The following REC114 variants were observed in gnomAD, a reference collection of about 807,000 sequenced individuals.
The protein encoded by REC114 is meiotic recombination protein REC114.
In REC114, 27 loss-of-function variants were observed where a neutral mutation model predicts 31.3. The ratio of observed to expected loss-of-function variants is 0.86; its 90% CI spans 0.64 to 1.19. The LOEUF (loss-of-function observed/expected upper bound fraction) is 1.19. Ranked by LOEUF, REC114 falls within the 50% of genes most tolerant of loss-of-function variation. REC114 has a pLI of 0.00. For missense variants in REC114, 344 were observed against 326.9 expected (o/e 1.05, Z -0.40); for synonymous variants, 134 against 127.7 (o/e 1.05, Z -0.33).
chr15:73,541,553 G>A (rs1435869829), intron 3 of REC114, among the ~76,000 whole-genome samples: 1 of 152,130 alleles, frequency 6.6e-6, no homozygotes, highest in Non-Finnish European at 1.5e-5. Flanking sequence ...CATTTTGTGT[G>A]ATTAAAAACA....
intron 1 of REC114, among the ~76,000 whole-genome samples, chr15:73,458,052 G>C (rs1892940610): frequency 6.6e-6 from 1 of 152,276 alleles, no homozygotes. Flanking sequence ...CCTGTGCTAG[G>C]CCTACTGAAT....
chr15:73,473,281 C>T (rs867682624), intron 1 of REC114, among the ~76,000 whole-genome samples: 5 of 151,944 alleles, frequency 3.3e-5, no homozygotes, highest in East Asian at 1.9e-4. Context: ...CCCAGCTACT[C>T]GCGAGGCTGA....
chr15:73,496,635 A>G (rs528539510), intron 2 of REC114, among the ~76,000 whole-genome samples: 1 of 150,084 alleles, frequency 6.7e-6, no homozygotes, highest in Non-Finnish European at 1.5e-5. Flanking sequence ...GCTGGATGAC[A>G]CGGTGAGACT....
chr15:73,489,660 T>C (rs974080859), intron 2 of REC114, among the ~76,000 whole-genome samples: 1 of 151,950 alleles, frequency 6.6e-6, no homozygotes, highest in African/African-American at 2.4e-5. Flanking sequence ...TATTATTAAC[T>C]TATGTAAGTT....
At chr15:73,480,844 A>G (rs756939976) in intron 2 of REC114, among the ~76,000 whole-genome samples, 1 of 152,110 alleles carries the variant, frequency 6.6e-6, no homozygotes, top group Non-Finnish European at 1.5e-5. Context: ...CACCCAGCTA[A>G]CTTTTGTATT....
chr15:73,470,979 A>G (rs1373817585), intron 1 of REC114, among the ~76,000 whole-genome samples: 2 of 152,208 alleles, frequency 1.3e-5, no homozygotes, highest in African/African-American at 4.8e-5. Context: ...GGTGGGTGCT[A>G]CAGGACAAGA....
At chr15:73,482,774 T>C (rs887341213) in intron 2 of REC114, among the ~76,000 whole-genome samples, 1 of 152,218 alleles carries the variant, frequency 6.6e-6, no homozygotes, top group Non-Finnish European at 1.5e-5. Context: ...CTTTTGCCTA[T>C]TGTGAATAAT....
chr15:73,505,984 C>G (rs1050844050), intron 2 of REC114, among the ~76,000 whole-genome samples: 2 of 152,148 alleles, frequency 1.3e-5, no homozygotes, highest in Non-Finnish European at 2.9e-5. Context: ...CACGCCTGCA[C>G]GTGTGGTCTG....
At chr15:73,465,823 C>T (rs535255704) in intron 1 of REC114, among the ~76,000 whole-genome samples, 1 of 152,140 alleles carries the variant, frequency 6.6e-6, no homozygotes, top group Non-Finnish European at 1.5e-5. Context: ...AACTATTTAG[C>T]CCATTGTTTT....
intron 2 of REC114, among the ~76,000 whole-genome samples, chr15:73,515,488 G>C (rs771436162): frequency 6.6e-6 from 1 of 152,094 alleles, no homozygotes; most frequent in Non-Finnish European, 1.5e-5. Flanking sequence ...GGCCTGAATT[G>C]TGTCTCTGCC....
intron 2 of REC114, among the ~76,000 whole-genome samples, chr15:73,530,025 C>T (rs894875740): frequency 5.3e-5 from 8 of 152,098 alleles, no homozygotes; most frequent in African/African-American, 1.9e-4. Context: ...TCCAAATAGC[C>T]TATAGTTCAG....
chr15:73,466,084 C>G (rs936322238), intron 1 of REC114, among the ~76,000 whole-genome samples: 1 of 151,824 alleles, frequency 6.6e-6, no homozygotes, highest in Admixed American at 6.6e-5. Context: ...ATCTCCTGAC[C>G]TCATGATCTG....
intron 2 of REC114, among the ~76,000 whole-genome samples, chr15:73,534,282 G>A (rs559722686): frequency 0.035 from 5,363 of 152,116 alleles, 158 homozygotes; most frequent in Non-Finnish European, 0.048. Flanking sequence ...TTGATAGACC[G>A]CTAGCAAGAC....
intron 1 of REC114, among the ~76,000 whole-genome samples, chr15:73,445,235 G>A (rs1892749179): frequency 6.6e-6 from 1 of 152,160 alleles, no homozygotes; most frequent in Non-Finnish European, 1.5e-5. Flanking sequence ...TTTGAAGCCA[G>A]GCATTGACTT....
chr15:73,464,605 G>C (rs966544977), intron 1 of REC114, among the ~76,000 whole-genome samples: 2 of 152,140 alleles, frequency 1.3e-5, no homozygotes, highest in Admixed American at 1.3e-4. Flanking sequence ...CTGTAGAGAA[G>C]TAGGAAGGAT....
chr15:73,537,800 C>G (rs1433939879), intron 2 of REC114, among the ~76,000 whole-genome samples: 2 of 152,190 alleles, frequency 1.3e-5, no homozygotes, highest in Non-Finnish European at 2.9e-5. Context: ...ATAGAGAAAG[C>G]TTTTATTCCC....
intron 1 of REC114, among the ~76,000 whole-genome samples, chr15:73,462,597 C>A (rs1369884880): frequency 6.6e-6 from 1 of 151,888 alleles, no homozygotes; most frequent in East Asian, 1.9e-4. Flanking sequence ...TAAGAATTAC[C>A]AACTCGGGCC....
intron 1 of REC114, among the ~76,000 whole-genome samples, chr15:73,447,347 G>A (rs960723301): frequency 2.0e-5 from 3 of 152,150 alleles, no homozygotes; most frequent in African/African-American, 7.2e-5. Flanking sequence ...GGTGAGATTC[G>A]GGACCAAGCT....
intron 2 of REC114, among the ~76,000 whole-genome samples, chr15:73,491,225 C>CTTAAT (rs1457679800): frequency 2.0e-3 from 3 of 1,488 alleles, no homozygotes; most frequent in Non-Finnish European, 7.1e-3. Context: ...TGTGTATTAT[C>CTTAAT]TTTGTGTACT....
Sources: allele counts gnomAD v4.1 joint callset (sites outside exome capture counted in the v4.1 genomes callset), GRCh38; gene constraint gnomAD v4.1.1; transcripts MANE v1.5; gene names NCBI Gene and HGNC (gene_info 2026-07-23, HGNC 2026-07-21).